ST8SIA6: variants seen among roughly 807,000 people sequenced by gnomAD.
The protein encoded by ST8SIA6 is ST8 alpha-N-acetyl-neuraminide alpha-2,8-sialyltransferase 6, also known as alpha-2,8-sialyltransferase 8F.
Under a neutral mutation model 33.6 loss-of-function variants are expected in ST8SIA6, and 39 were observed. The ratio of observed to expected loss-of-function variants is 1.16; its 90% CI spans 0.90 to 1.52. The LOEUF is 1.52. Ranked by LOEUF, ST8SIA6 falls within the 40% of genes most tolerant of loss-of-function variation. The probability of loss-of-function intolerance (pLI) is 0.00; values close to 1 mark genes in which losing one functional copy is unlikely to be tolerated. For synonymous variants in ST8SIA6, 172 were observed against 167.2 expected, an observed-to-expected ratio of 1.03 and a Z score of -0.22; for missense variants, 441 against 443.8, an observed-to-expected ratio of 0.99 and a Z score of 0.06.
chr10:17,353,706 C>T (rs573162766), intron 4 of ST8SIA6, among the ~76,000 whole-genome samples: 1 of 152,148 alleles, frequency 6.6e-6, no homozygotes, highest in Non-Finnish European at 1.5e-5. Flanking sequence ...ACCTGTTTTA[C>T]AAGTCATTTG....
At chr10:17,338,998 A>T (rs1848591891) in intron 4 of ST8SIA6, among the ~76,000 whole-genome samples, 1 of 152,208 alleles carries the variant, frequency 6.6e-6, no homozygotes, top group African/African-American at 2.4e-5. Flanking sequence ...TTTCACCTGG[A>T]TCTATAAGGA....
chr10:17,410,124 G>A (rs1278195140), intron 2 of ST8SIA6: 1 of 152,178 alleles, frequency 6.6e-6, no homozygotes, highest in Non-Finnish European at 1.5e-5. Flanking sequence ...GAGTGTTTGT[G>A]TATCTTCTAA....
At chr10:17,329,838 C>T (rs1397248953) in intron 5 of ST8SIA6, among the ~76,000 whole-genome samples, 4 of 152,174 alleles carry the variant, frequency 2.6e-5, no homozygotes, top group African/African-American at 4.8e-5. Flanking sequence ...GCTCCACTGC[C>T]TGCTCATTGC....
chr10:17,450,369 C>T lies in ST8SIA6; in HGVS notation c.200+3190G>A, dbSNP rs1442453657. ...CCTGTAGATTAGAAGGAAAAGATAC[C>T]ATAATCATGAGTTTCAACTCTTGAC... On this transcript the variant is annotated intron_variant, in intron 2 of 7. Coordinates refer to ENST00000377602, the MANE Select transcript of ST8SIA6 (RefSeq NM_001004470.3). Among the ~76,000 whole-genome samples the T allele has an allele frequency of 2.6e-5, 4 of 152,292 alleles. No individual in the cohort carries two copies. The East Asian group carries it at 7.7e-4, about 29-fold the overall frequency.
chr10:17,400,176 A>G (rs569786102), intron 2 of ST8SIA6, among the ~76,000 whole-genome samples: 1 of 152,300 alleles, frequency 6.6e-6, no homozygotes, highest in African/African-American at 2.4e-5. Flanking sequence ...TTGCATTGCT[A>G]TCAGTTAACT....
chr10:17,438,238 A>G (rs535052124), intron 2 of ST8SIA6, among the ~76,000 whole-genome samples: 28 of 152,292 alleles, frequency 1.8e-4, no homozygotes, highest in African/African-American at 6.5e-4. Context: ...GAGAAGAGTT[A>G]TCATCTTTCT....
chr10:17,429,577 G>A (rs1268160018), intron 2 of ST8SIA6, among the ~76,000 whole-genome samples: 1 of 151,842 alleles, frequency 6.6e-6, no homozygotes, highest in East Asian at 1.9e-4. Flanking sequence ...CCACCTCCCG[G>A]GCTCAGGTGA....
intron 2 of ST8SIA6, among the ~76,000 whole-genome samples, chr10:17,424,738 ATTTTTTT>A (rs779491848): frequency 7.1e-5 from 10 of 140,946 alleles, no homozygotes; most frequent in Non-Finnish European, 1.2e-4. Flanking sequence ...AACATCATAA[ATTTTTTT>A]TTTTTTTTTT....
chr10:17,378,998 C>G (rs528808188), intron 3 of ST8SIA6, among the ~76,000 whole-genome samples: 1 of 152,008 alleles, frequency 6.6e-6, no homozygotes, highest in African/African-American at 2.4e-5. Flanking sequence ...TGGTGGCAGG[C>G]GCCTGTAGTC....
chr10:17,425,964 C>T (rs1851926200), intron 2 of ST8SIA6, among the ~76,000 whole-genome samples: 1 of 152,178 alleles, frequency 6.6e-6, no homozygotes, highest in African/African-American at 2.4e-5. Context: ...GATAAGGTAC[C>T]CTAGCCAAGC....
At chr10:17,437,740 C>T (rs1852330845) in intron 2 of ST8SIA6, among the ~76,000 whole-genome samples, 1 of 142,810 alleles carries the variant, frequency 7.0e-6, no homozygotes, top group South Asian at 2.4e-4. Context: ...CTCCCTTTCT[C>T]TCTTTCTCTC....
At chr10:17,354,743 T>C (rs1194878847) in intron 4 of ST8SIA6, among the ~76,000 whole-genome samples, 1 of 151,964 alleles carries the variant, frequency 6.6e-6, no homozygotes, top group Non-Finnish European at 1.5e-5. Context: ...AATCCCAGAG[T>C]CTCAGGGCCA....
chr10:17,392,561 G>T (rs1850656030), intron 2 of ST8SIA6, among the ~76,000 whole-genome samples: 1 of 152,102 alleles, frequency 6.6e-6, no homozygotes, highest in Non-Finnish European at 1.5e-5. Context: ...AAAATGGGGA[G>T]CAGCCTGGAT....
At chr10:17,337,720 G>A (rs2131593283) in intron 4 of ST8SIA6, among the ~76,000 whole-genome samples, 1 of 152,230 alleles carries the variant, frequency 6.6e-6, no homozygotes, top group Non-Finnish European at 1.5e-5. Flanking sequence ...CCTAAAGTCA[G>A]AATCAGTTCT....
intron 2 of ST8SIA6, among the ~76,000 whole-genome samples, chr10:17,416,753 T>C (rs1851621965): frequency 6.6e-6 from 1 of 152,250 alleles, no homozygotes; most frequent in African/African-American, 2.4e-5. Flanking sequence ...TTCAATTGCC[T>C]GACTGCCACA....
chr10:17,444,845 A>G (rs1157976568), intron 2 of ST8SIA6, among the ~76,000 whole-genome samples: 1 of 152,238 alleles, frequency 6.6e-6, no homozygotes, highest in Non-Finnish European at 1.5e-5. Flanking sequence ...AAGGGTTGCA[A>G]TTAAGATGGA....
At chr10:17,415,661 C>A (rs559177797) in intron 2 of ST8SIA6, among the ~76,000 whole-genome samples, 1 of 152,048 alleles carries the variant, frequency 6.6e-6, no homozygotes, top group Admixed American at 6.6e-5. Context: ...CCTTTTCTCT[C>A]GTTAAGTGAT....
intron 2 of ST8SIA6, among the ~76,000 whole-genome samples, chr10:17,429,134 C>T (rs1852025015): frequency 6.6e-6 from 1 of 151,852 alleles, no homozygotes; most frequent in Non-Finnish European, 1.5e-5. Flanking sequence ...GTAGATATAT[C>T]TCTTTAAAAC....
intron 2 of ST8SIA6, among the ~76,000 whole-genome samples, chr10:17,430,357 G>A (rs1486329298): frequency 6.6e-6 from 1 of 152,106 alleles, no homozygotes; most frequent in South Asian, 2.1e-4. Context: ...TACTATAAAC[G>A]TGTGTGCATG....
Sources: allele counts gnomAD v4.1 joint callset (sites outside exome capture counted in the v4.1 genomes callset), GRCh38; gene constraint gnomAD v4.1.1; transcripts MANE v1.5; gene names NCBI Gene and HGNC (gene_info 2026-07-23, HGNC 2026-07-21).